LAMC2: variants seen among roughly 807,000 people sequenced by gnomAD.
LAMC2 encodes the protein laminin subunit gamma 2, also known as laminin subunit gamma-2.
A neutral mutation model predicts 140.2 loss-of-function variants in LAMC2; 97 were observed. That is an observed-to-expected ratio of 0.69 (90% CI 0.59 to 0.82). The LOEUF (loss-of-function observed/expected upper bound fraction) is 0.82, where lower values mean the gene tolerates loss of function less well. LAMC2 is among the 40% of genes least tolerant of loss of function. LAMC2 has a pLI of 0.00. For synonymous variants in LAMC2, 513 were observed against 540.2 expected (o/e 0.95, Z 0.70); for missense variants, 1,402 against 1,476.1 (o/e 0.95, Z 0.82).
chr1:183,207,047 C>T (rs559006513), intron 1 of LAMC2, among the ~76,000 whole-genome samples: 1 of 152,290 alleles, frequency 6.6e-6, no homozygotes, highest in African/African-American at 2.4e-5. Context: ...ATAATGCAGT[C>T]TGTATGGAAG....
Position 183,226,755 on chromosome 1 carries a change from C to G in LAMC2, c.1124C>G (p.Pro375Arg). 1 of 1,614,244 alleles carries G rather than the reference C, an allele frequency of 6.2e-7. No homozygotes were observed. Among genetic ancestry groups the G allele is most frequent in the African/African-American group, 1.3e-5 (1 of 75,058 alleles). The change falls in exon 9 of 23, where the codon CCA becomes CGA. Residue 375 changes from proline to arginine, a missense_variant. By Grantham distance (103) the Pro-to-Arg change is moderately radical. Transcript: ENST00000264144. The part of the protein sequence containing the change: ...LISARPVSGA[P>R]APWVEQCICP... ...TCAGCCCGCCCTGTCTCTGGAGCCC[C>G]AGCACCCTGGGTTGAACAGTGTATA...
intron 1 of LAMC2, among the ~76,000 whole-genome samples, chr1:183,201,145 G>A (rs1658693987): frequency 6.6e-6 from 1 of 152,110 alleles, no homozygotes; most frequent in South Asian, 2.1e-4. Context: ...ATGAAACCTT[G>A]AAGAAGTGTC....
chr1:183,219,740 T>G (rs1659406943), intron 4 of LAMC2, among the ~76,000 whole-genome samples: 1 of 152,254 alleles, frequency 6.6e-6, no homozygotes, highest in South Asian at 2.1e-4. Context: ...AAAGCTTGTT[T>G]AGTTACAACT....
Position 183,227,551 on chromosome 1 carries a change from A to G in LAMC2, c.1322A>G (p.Glu441Gly). The change falls in exon 10 of 23, where the codon GAG becomes GGG. Residue 441 changes from glutamate (E) to glycine (G), a missense_variant. This residue lies in a region of LAMC2 where 723 missense variants were observed against 783.3 expected (regional missense o/e 0.92). Coordinates refer to ENST00000264144, the MANE Select transcript of LAMC2 (RefSeq NM_005562.3). The stretch of plus-strand genomic sequence containing the variant: ...TCAGGGGATGAGAATCCTGACATTG[A>G]GTGTGCTGACTGCCCAATTGGTTTC... The part of the protein sequence containing the change: ...CYSGDENPDI[E>G]CADCPIGFYN... 6.2e-7 allele frequency: 1 copy of G among 1,614,104 alleles called. No individual in the cohort carries two copies.
intron 5 of LAMC2, 135 bp downstream of exon 5, chr1:183,221,096 G>T (rs1659455980): frequency 2.3e-6 from 2 of 859,334 alleles, no homozygotes; most frequent in Non-Finnish European, 1.9e-6. Context: ...ACATTATTTT[G>T]TCAGGGCACT....
At chr1:183,252,693 G>T in the LAMC2 span, 1 of 1,613,982 alleles carries the variant, frequency 6.2e-7, no homozygotes, top group Non-Finnish European at 8.5e-7. Context: ...GTCGATGACC[G>T]GCTGGGACAG....
In LAMC2 at chr1:183,232,725, T is replaced by A; in HGVS notation, c.2088T>A (p.Asp696Glu). The A allele has an allele frequency of 4.3e-6, 7 of 1,613,532 alleles. No homozygotes were observed. The highest frequency in any genetic ancestry group is 5.9e-6 in the Non-Finnish European group (7 of 1,179,556). ...SQENSYQSRL[D>E]DLKMTVERVR... ...AGAACAGCTACCAGAGCCGCCTGGA[T>A]GACCTCAAGATGACTGTGGAAAGAG... Residue 696 changes from aspartate to glutamate, a missense_variant, in exon 14 of 23, where the codon GAT becomes GAA. Transcript: ENST00000264144.
chr1:183,226,966 G>C lies in LAMC2; in HGVS notation c.1285+50G>C, dbSNP rs772362863. ...GGTGGCTGGGGTGTCATGTGGAAGA[G>C]AGAGAGCTGTGTAAGAAAGACCATG... On this transcript the variant is annotated intron_variant, in intron 9 of 22. Coordinates refer to ENST00000264144, the MANE Select transcript of LAMC2 (RefSeq NM_005562.3). The C allele has an allele frequency of 4.9e-6, 7 of 1,422,416 alleles. No homozygotes were observed. The Admixed American group carries it at 1.0e-4, about 21-fold the overall frequency. 88.1% of individuals were successfully genotyped at this position (1,422,416 alleles called of 1,614,324 possible).
At chr1:183,204,749 G>T (rs1484673038) in intron 1 of LAMC2, among the ~76,000 whole-genome samples, 3 of 152,178 alleles carry the variant, frequency 2.0e-5, no homozygotes, top group African/African-American at 7.2e-5. Context: ...TATATATTTT[G>T]AAAAGATTGC....
At chr1:183,189,632 T>G (rs967969324) in intron 1 of LAMC2, among the ~76,000 whole-genome samples, 2 of 151,290 alleles carry the variant, frequency 1.3e-5, no homozygotes, top group Non-Finnish European at 2.9e-5. Context: ...GATATGGAGG[T>G]AAAAGAAACC....
intron 1 of LAMC2, among the ~76,000 whole-genome samples, chr1:183,187,588 C>G (rs887305756): frequency 1.3e-5 from 2 of 151,060 alleles, no homozygotes; most frequent in African/African-American, 4.9e-5. Context: ...CTGTGTATAT[C>G]GAAACATCAT....
intron 11 of LAMC2, among the ~76,000 whole-genome samples, chr1:183,229,740 C>T (rs761102529): frequency 7.9e-5 from 12 of 152,050 alleles, no homozygotes; most frequent in East Asian, 1.9e-4. Context: ...CACAGCCTCC[C>T]ACTCACACCA....
rs367747763 is a variant in LAMC2, at chr1:183,232,146, T to G, written c.1858-41T>G. ...GGTATTGGATGATCCCTTGGGTACA[T>G]GGTCTCCACCCTCGTTCTGATCTTT... On this transcript the variant is annotated intron_variant, in intron 12 of 22. Coordinates refer to ENST00000264144, the MANE Select transcript of LAMC2 (RefSeq NM_005562.3). 4 of 1,611,310 alleles carry G rather than the reference T, an allele frequency of 2.5e-6. No homozygotes were observed. In the African/African-American group the frequency reaches 5.3e-5, roughly 22 times the overall value.
intron 1 of LAMC2, among the ~76,000 whole-genome samples, chr1:183,201,103 G>A (rs1299625588): frequency 6.6e-6 from 1 of 152,128 alleles, no homozygotes; most frequent in Non-Finnish European, 1.5e-5. Context: ...GATTTGGAGG[G>A]AGCTGGAGTG....
chr1:183,189,169 A>G (rs946946079), intron 1 of LAMC2, among the ~76,000 whole-genome samples: 7 of 152,202 alleles, frequency 4.6e-5, no homozygotes, highest in Admixed American at 1.3e-4. Context: ...TGGTGATCCA[A>G]TAAGTCTGTG....
intron 2 of LAMC2, among the ~76,000 whole-genome samples, chr1:183,210,646 T>C (rs1381535858): frequency 6.6e-6 from 1 of 152,232 alleles, no homozygotes; most frequent in East Asian, 1.9e-4. Flanking sequence ...ACAATTTATG[T>C]GTACACAAAA....
In LAMC2 at chr1:183,243,488, A is replaced by G; in HGVS notation, c.*88A>G. 1 of 1,517,546 alleles carries G rather than the reference A, an allele frequency of 6.6e-7. No homozygotes were observed. The highest frequency in any genetic ancestry group is 1.4e-5 in the African/African-American group (1 of 72,848). 94.0% of individuals were successfully genotyped at this position (1,517,546 alleles called of 1,614,324 possible). On this transcript the variant is annotated 3_prime_UTR_variant, in exon 23 of 23. Transcript: ENST00000264144. ...TGTCATGTGAGTGGGTGGGATGGGG[A>G]CATTTGAACATGTTTAATGGGTATG...
chr1:183,208,610 T>A (rs983050617), intron 2 of LAMC2, among the ~76,000 whole-genome samples: 5 of 152,226 alleles, frequency 3.3e-5, no homozygotes, highest in African/African-American at 1.2e-4. Flanking sequence ...GCTAAAAAGA[T>A]AAAACAAAAT....
At chr1:183,221,996 C>T in intron 5 of LAMC2, 93 bp from the exon 6 acceptor site, 2 of 1,491,996 alleles carry the variant, frequency 1.3e-6, no homozygotes, top group Non-Finnish European at 1.9e-6. Context: ...TTCTACTCAC[C>T]ACTAGGACTT....
Sources: allele counts gnomAD v4.1 joint callset (sites outside exome capture counted in the v4.1 genomes callset), GRCh38; gene constraint gnomAD v4.1.1; regional missense constraint gnomAD v4.1.1; transcripts MANE v1.5; gene names NCBI Gene and HGNC (gene_info 2026-07-23, HGNC 2026-07-21).